APBA1: variants seen among roughly 807,000 people sequenced by gnomAD.
APBA1 encodes the protein amyloid-beta A4 precursor protein-binding family A member 1.
A neutral mutation model predicts 86.6 loss-of-function variants in APBA1; 55 were observed. The ratio of observed to expected loss-of-function variants is 0.64; its 90% CI spans 0.51 to 0.80. The LOEUF (loss-of-function observed/expected upper bound fraction) is 0.80, where lower values mean the gene tolerates loss of function less well. APBA1 is among the 30% of genes least tolerant of loss of function. The pLI, the probability that APBA1 is intolerant of heterozygous loss-of-function variation, is 0.00. For missense variants in APBA1, 1,090 were observed against 1,183.0 expected, an observed-to-expected ratio of 0.92 and a Z score of 1.15; for synonymous variants, 511 against 493.9, an observed-to-expected ratio of 1.03 and a Z score of -0.46.
chr9:69,637,445 G>A (rs1823203373), intron 1 of APBA1, among the ~76,000 whole-genome samples: 2 of 152,148 alleles, frequency 1.3e-5, no homozygotes, highest in South Asian at 2.1e-4. Context: ...ATGTAATTAT[G>A]ACTCATTGTA....
chr9:69,457,230 A>G, intron 6 of APBA1, 91 bp from the exon 7 acceptor site: 1 of 935,686 alleles, frequency 1.1e-6, no homozygotes. Flanking sequence ...CAGAGGCACC[A>G]CGACACAGTC....
chr9:69,515,695 G>A (rs1028147417), intron 2 of APBA1, among the ~76,000 whole-genome samples: 2 of 28,330 alleles, frequency 7.1e-5, no homozygotes, highest in Admixed American at 3.3e-4. Context: ...GAAACTGGGG[G>A]GGGGGGGGGC....
In APBA1 at chr9:69,541,471, T is replaced by C. The variant is rs75036537; in HGVS notation, c.-69-24192A>G. 2.7e-3 allele frequency among the ~76,000 whole-genome samples: 416 copies of C among 152,330 alleles called. 10 individuals carry two copies. The East Asian group carries it at 0.069, about 25-fold the overall frequency. ...TTAATGATTAGTGATGTTAAGCATC[T>C]TTTCATATACCCATTGACCATCTGT... is the stretch of plus-strand genomic sequence containing the variant. On this transcript the variant is annotated intron_variant, in intron 1 of 12. Transcript: ENST00000265381.
intron 1 of APBA1, among the ~76,000 whole-genome samples, chr9:69,644,588 G>A (rs924536655): frequency 6.6e-6 from 1 of 152,182 alleles, no homozygotes; most frequent in Non-Finnish European, 1.5e-5. Flanking sequence ...GCCCTACAGA[G>A]TCCCAGCAAA....
At chr9:69,537,665 A>T (rs1282746934) in intron 1 of APBA1, among the ~76,000 whole-genome samples, 2 of 152,198 alleles carry the variant, frequency 1.3e-5, no homozygotes, top group South Asian at 4.2e-4. Context: ...AATTGTTGTC[A>T]ATCTGGTAAG....
intron 1 of APBA1, among the ~76,000 whole-genome samples, chr9:69,569,828 G>GA (rs1554702367): frequency 6.7e-6 from 1 of 150,148 alleles, no homozygotes; most frequent in Non-Finnish European, 1.5e-5. Flanking sequence ...ACTTGCTAGA[G>GA]TTTTTTTTTT....
intron 1 of APBA1, among the ~76,000 whole-genome samples, chr9:69,649,361 C>T (rs1588411758): frequency 6.6e-6 from 1 of 152,264 alleles, no homozygotes; most frequent in East Asian, 1.9e-4. Flanking sequence ...TCCTGCCTGA[C>T]CAGACCCTGG....
intron 1 of APBA1, among the ~76,000 whole-genome samples, chr9:69,580,814 T>A (rs1183807066): frequency 6.6e-6 from 1 of 152,172 alleles, no homozygotes; most frequent in Non-Finnish European, 1.5e-5. Context: ...AAACTTCGCA[T>A]ATCCCTCTCC....
chr9:69,489,307 C>T lies in APBA1; in HGVS notation c.1201-13164G>A, dbSNP rs557922864. Among the ~76,000 whole-genome samples, 82 of 151,958 alleles carry T rather than the reference C, an allele frequency of 5.4e-4. 3 individuals are homozygous for T. In the South Asian group the frequency reaches 0.017, roughly 31 times the overall value. ...TATAGACCAATGGAACAGAACAGAG[C>T]CCTCAGAAATAATACCACACATCTA... is the stretch of plus-strand genomic sequence containing the variant. On this transcript the variant is annotated intron_variant, in intron 2 of 12. Transcript: ENST00000265381.
intron 11 of APBA1, among the ~76,000 whole-genome samples, chr9:69,439,362 C>T (rs1834765159): frequency 6.6e-6 from 1 of 151,070 alleles, no homozygotes; most frequent in African/African-American, 2.5e-5. Context: ...GGATAATATC[C>T]TGCAGAGTGT....
chr9:69,439,716 C>G (rs796650098), intron 11 of APBA1, among the ~76,000 whole-genome samples: 2 of 152,064 alleles, frequency 1.3e-5, no homozygotes, highest in Non-Finnish European at 2.9e-5. Flanking sequence ...CACTTCTTTG[C>G]CATTGGTTTG....
intron 1 of APBA1, among the ~76,000 whole-genome samples, chr9:69,575,429 A>T (rs1371714387): frequency 1.3e-5 from 2 of 152,196 alleles, no homozygotes; most frequent in Admixed American, 1.3e-4. Flanking sequence ...ACAAAGCTGG[A>T]GGCGTCACGC....
intron 2 of APBA1, among the ~76,000 whole-genome samples, chr9:69,509,756 C>T (rs1835998554): frequency 2.1e-5 from 1 of 47,656 alleles, no homozygotes; most frequent in Non-Finnish European, 4.0e-5. Flanking sequence ...GGATGCAAGG[C>T]TGGTTCAATA....
chr9:69,543,287 C>T (rs941185779), intron 1 of APBA1, among the ~76,000 whole-genome samples: 4 of 151,114 alleles, frequency 2.6e-5, no homozygotes, highest in East Asian at 1.9e-4. Context: ...CCCCCCCCCC[C>T]CCCCGGCCTG....
At chr9:69,439,329 T>C (rs1834764282) in intron 11 of APBA1, among the ~76,000 whole-genome samples, 1 of 149,472 alleles carries the variant, frequency 6.7e-6, no homozygotes, top group Admixed American at 6.6e-5. Flanking sequence ...TGGTCTGCCT[T>C]GCTAGATTGG....
intron 2 of APBA1, among the ~76,000 whole-genome samples, chr9:69,489,232 T>C (rs556183793): frequency 1.5e-4 from 23 of 152,074 alleles, no homozygotes; most frequent in African/African-American, 5.5e-4. Flanking sequence ...CAAACTACAC[T>C]ACAAGGCTAC....
chr9:69,506,106 G>C (rs957003635), intron 2 of APBA1, among the ~76,000 whole-genome samples: 3 of 151,932 alleles, frequency 2.0e-5, no homozygotes, highest in African/African-American at 7.3e-5. Flanking sequence ...AGCTCCCAGC[G>C]AGAGCGACAC....
intron 1 of APBA1, among the ~76,000 whole-genome samples, chr9:69,608,879 T>A (rs1336617682): frequency 6.6e-6 from 1 of 152,200 alleles, no homozygotes; most frequent in Admixed American, 6.5e-5. Flanking sequence ...CCCTGTGCCG[T>A]CTTGTTAGCT....
At chr9:69,456,920 CCTT>C in intron 7 of APBA1, 130 bp downstream of exon 7, 1 of 735,906 alleles carries the variant, frequency 1.4e-6, no homozygotes, top group Non-Finnish European at 2.2e-6. Context: ...GTGAACACCA[CCTT>C]CTAGCTCACT....
Sources: gnomAD v4.1 joint callset for allele counts (sites outside exome capture counted in the v4.1 genomes callset) on GRCh38, gnomAD v4.1.1 for gene constraint, MANE v1.5 for transcripts, NCBI Gene and HGNC (gene_info 2026-07-23, HGNC 2026-07-21) for gene names.